Variants in EIPR1 observed in about 807,000 individuals in gnomAD.
EIPR1 encodes EARP and GARP complex-interacting protein 1.
In EIPR1, 25 loss-of-function variants were observed where a neutral mutation model predicts 48.1. The ratio of observed to expected loss-of-function variants is 0.52; its 90% confidence interval spans 0.38 to 0.73. The LOEUF (loss-of-function observed/expected upper bound fraction) is 0.73. Among genes scored for constraint, EIPR1 ranks in the 30% least tolerant of loss-of-function variants. EIPR1 has a pLI of 0.00. For missense variants in EIPR1, 415 were observed against 506.2 expected (o/e 0.82, Z 1.73); for synonymous variants, 204 against 201.9 (o/e 1.01, Z -0.09).
In EIPR1 at chr2:3,214,206, G is replaced by A. The variant is rs1665551386; in HGVS notation, c.459C>T (p.Ser153=). 1.2e-6 allele frequency: 2 copies of A among 1,613,712 alleles called. No individual in the cohort carries two copies. Among genetic ancestry groups the A allele is most frequent in the South Asian group, 1.1e-5 (1 of 91,014 alleles). ...ACAGCAGGATATGGTTATCAGCCAA[G>A]GAAATGATTTTCTTCCCATCTCCCA... is the stretch of plus-strand genomic sequence containing the variant. The part of the protein sequence containing the change: ...EPMGDGKKII[S]LADNHILLWD... The change falls in exon 5 of 9, where the codon TCC becomes TCT. Residue 153 remains serine, a synonymous_variant. Coordinates refer to ENST00000382125, the MANE Select transcript of EIPR1 (RefSeq NM_003310.5).
intron 4 of EIPR1, among the ~76,000 whole-genome samples, chr2:3,229,660 T>G (rs182116003): frequency 1.6e-3 from 238 of 152,356 alleles, no homozygotes; most frequent in Non-Finnish European, 2.6e-3. Context: ...AGTATTCCAT[T>G]AAGTGGCAGG....
intron 1 of EIPR1, among the ~76,000 whole-genome samples, chr2:3,374,271 G>A (rs1371319377): frequency 2.0e-5 from 3 of 151,914 alleles, no homozygotes; most frequent in Non-Finnish European, 2.9e-5. Context: ...AAAACCATAA[G>A]AACCCTAGAA....
chr2:3,246,511 C>G (rs1049137934), intron 4 of EIPR1, among the ~76,000 whole-genome samples: 2 of 152,158 alleles, frequency 1.3e-5, no homozygotes, highest in African/African-American at 4.8e-5. Flanking sequence ...GCTAAATGCT[C>G]TCAGCCTGTC....
intron 4 of EIPR1, among the ~76,000 whole-genome samples, chr2:3,217,894 C>T (rs1665691682): frequency 6.6e-6 from 1 of 152,194 alleles, no homozygotes; most frequent in South Asian, 2.1e-4. Context: ...CATTGCCACT[C>T]CCAGGCAGTA....
At chr2:3,244,221 A>G (rs1666726861) in intron 4 of EIPR1, among the ~76,000 whole-genome samples, 1 of 152,176 alleles carries the variant, frequency 6.6e-6, no homozygotes, top group Admixed American at 6.5e-5. Context: ...TTTCTAGGTA[A>G]AATGTGCTGT....
chr2:3,309,051 GAAC>G (rs1669041658), intron 3 of EIPR1, among the ~76,000 whole-genome samples: 2 of 152,266 alleles, frequency 1.3e-5, no homozygotes, highest in African/African-American at 2.4e-5. Flanking sequence ...TGAAAGAAAA[GAAC>G]AACGAATGGG....
At chr2:3,377,261 C>A in intron 1 of EIPR1, 1 of 209,720 alleles carries the variant, frequency 4.8e-6, no homozygotes, top group Non-Finnish European at 9.4e-6. Context: ...TACAACTCTT[C>A]TAAATACTTT....
At chr2:3,195,733 A>G (rs1351571112) in intron 6 of EIPR1, among the ~76,000 whole-genome samples, 4 of 152,144 alleles carry the variant, frequency 2.6e-5, no homozygotes, top group Non-Finnish European at 5.9e-5. Context: ...CTAAAAAAGC[A>G]CCAAAGGCAT....
At chr2:3,198,851 T>A (rs1664900737) in intron 5 of EIPR1, among the ~76,000 whole-genome samples, 1 of 152,020 alleles carries the variant, frequency 6.6e-6, no homozygotes. Flanking sequence ...CTACAACCAC[T>A]AATGAACTTC....
Position 3,286,308 on chromosome 2 carries a change from C to T in EIPR1, c.260-28853G>A, listed in dbSNP as rs1197489761. The stretch of plus-strand genomic sequence containing the variant: ...CGTCACCGTGCCTGCCTGTGTATGA[C>T]GTGTACACACACTGCTCCTGTGTAA... On this transcript the variant is annotated intron_variant, in intron 3 of 8. Transcript: ENST00000382125. The surrounding 1 kb of genome is among the most constrained non-coding windows in gnomAD (Gnocchi z 4.2). Among the ~76,000 whole-genome samples the T allele has an allele frequency of 3.9e-5, 6 of 152,224 alleles. No individual in the cohort carries two copies. Among genetic ancestry groups the T allele is most frequent in the Non-Finnish European group, 8.8e-5 (6 of 68,040 alleles).
intron 1 of EIPR1, among the ~76,000 whole-genome samples, chr2:3,372,484 G>A (rs984957017): frequency 1.3e-5 from 2 of 151,938 alleles, no homozygotes; most frequent in Non-Finnish European, 2.9e-5. Flanking sequence ...TAGACCGCTA[G>A]CAAGACTAAT....
chr2:3,193,646 G>A (rs1378216549), intron 7 of EIPR1, among the ~76,000 whole-genome samples: 4 of 152,188 alleles, frequency 2.6e-5, no homozygotes, highest in African/African-American at 7.2e-5. Context: ...CTGCACGGAT[G>A]TCACCTAATT....
At chr2:3,324,199 G>C (rs753681885) in intron 3 of EIPR1, among the ~76,000 whole-genome samples, 3 of 152,170 alleles carry the variant, frequency 2.0e-5, no homozygotes, top group Non-Finnish European at 2.9e-5. Context: ...CTGCACGAGC[G>C]ACATGTGGCA....
chr2:3,285,974 C>T (rs1668173019), intron 3 of EIPR1, among the ~76,000 whole-genome samples: 2 of 152,212 alleles, frequency 1.3e-5, no homozygotes, highest in African/African-American at 2.4e-5. Flanking sequence ...TCTCCGGGAC[C>T]CTCACTTTGG....
At position 3,286,647 on chromosome 2, in the gene EIPR1, C is replaced by T. The variant is rs1332854874; in HGVS notation, c.260-29192G>A. On this transcript the variant is annotated intron_variant, in intron 3 of 8. Transcript: ENST00000382125. This position sits in a 1 kb window ranked among gnomAD's most constrained non-coding sequence, Gnocchi z 4.2. ...GGGGATCTCACAGTCCAGAGTGCCC[C>T]GCAGAGCACCCGAGACAGCGGCTGG... Among the ~76,000 whole-genome samples, 3 of 152,220 alleles carry T rather than the reference C, an allele frequency of 2.0e-5. No homozygotes were observed. The highest frequency in any genetic ancestry group is 1.3e-4 in the Admixed American group (2 of 15,280).
At chr2:3,192,907 T>C (rs1572272605) in intron 7 of EIPR1, among the ~76,000 whole-genome samples, 1 of 150,830 alleles carries the variant, frequency 6.6e-6, no homozygotes, top group Non-Finnish European at 1.5e-5. Flanking sequence ...AAGCAACATG[T>C]GGATTAGCGA....
intron 4 of EIPR1, among the ~76,000 whole-genome samples, chr2:3,228,279 G>T (rs538312424): frequency 1.3e-5 from 2 of 152,386 alleles, no homozygotes; most frequent in South Asian, 4.1e-4. Flanking sequence ...GGAGTCAAAG[G>T]AGATCATTTT....
intron 4 of EIPR1, among the ~76,000 whole-genome samples, chr2:3,222,720 T>C (rs1665935566): frequency 6.6e-6 from 1 of 152,184 alleles, no homozygotes; most frequent in African/African-American, 2.4e-5. Context: ...TGGAGGGCCC[T>C]GAAGAATGAC....
At chr2:3,287,246 GTTCACCACACTCCAGAAAGCTCA>G (rs1668217462) in intron 3 of EIPR1, among the ~76,000 whole-genome samples, 78 of 71,300 alleles carry the variant, frequency 1.1e-3, no homozygotes, top group African/African-American at 3.1e-3. Context: ...CAGAAAGCTC[GTTCACCACACTCCAGAAAGCTCA>G]TTCACCACAC....
Sources: allele counts gnomAD v4.1 joint callset (sites outside exome capture counted in the v4.1 genomes callset), GRCh38; gene constraint gnomAD v4.1.1; non-coding constraint Gnocchi (gnomAD v3.1); transcripts MANE v1.5; gene names NCBI Gene and HGNC (gene_info 2026-07-23, HGNC 2026-07-21).